USH2A: variants seen among roughly 807,000 people sequenced by gnomAD.
The protein encoded by USH2A is usherin, also known as Usher syndrome 2A (autosomal recessive, mild).
Under a neutral mutation model 538.9 loss-of-function variants are expected in USH2A, and 443 were observed. That is an observed-to-expected ratio of 0.82 (90% CI 0.76 to 0.89). The LOEUF is 0.89. Among genes scored for constraint, USH2A ranks in the 40% least tolerant of loss-of-function variants. The pLI, the probability that USH2A is intolerant of heterozygous loss-of-function variation, is 0.00. For missense variants in USH2A, 6,633 were observed against 6,324.8 expected, an observed-to-expected ratio of 1.05 and a Z score of -1.65; for synonymous variants, 2,413 against 2,273.5, an observed-to-expected ratio of 1.06 and a Z score of -1.75.
At chr1:215,898,241 A>AATTC (rs1172379180) in intron 40 of USH2A, among the ~76,000 whole-genome samples, 4 of 152,202 alleles carry the variant, frequency 2.6e-5, no homozygotes, top group Non-Finnish European at 5.9e-5. Flanking sequence ...AAGTGTTACT[A>AATTC]ATTCTTACTT....
intron 49 of USH2A, among the ~76,000 whole-genome samples, chr1:215,805,828 G>A (rs975111800): frequency 6.6e-6 from 1 of 151,860 alleles, no homozygotes; most frequent in Non-Finnish European, 1.5e-5. Flanking sequence ...AAAAAATTCA[G>A]ACCACATTAA....
chr1:215,781,323 T>G (rs922154680), intron 54 of USH2A, among the ~76,000 whole-genome samples: 4 of 152,180 alleles, frequency 2.6e-5, no homozygotes, highest in Admixed American at 1.3e-4. Context: ...TAAATATATT[T>G]TTTACAAAAC....
Position 216,246,814 on chromosome 1 carries a change from C to T in USH2A, c.2580G>A (p.Leu860=), listed in dbSNP as rs1572088408. 6.2e-7 allele frequency: 1 copy of T among 1,614,158 alleles called. No homozygotes were observed. Among genetic ancestry groups the T allele is most frequent in the African/African-American group, 1.3e-5 (1 of 75,058 alleles). Residue 860 remains leucine, a synonymous_variant, in exon 13 of 72, where the codon CTG becomes CTA. Transcript: ENST00000307340. ...DKTGTINGSL[L]CNKSTGQCPC... The stretch of plus-strand genomic sequence containing the variant: ...GACATTGTCCTGTTGATTTGTTACA[C>T]AGCAGAGAGCCATTTATTGTCCCAG...
chr1:215,996,348 C>T (rs546855499), intron 34 of USH2A, among the ~76,000 whole-genome samples: 1 of 152,130 alleles, frequency 6.6e-6, no homozygotes, highest in African/African-American at 2.4e-5. Context: ...GAAGCCACTT[C>T]CAGGAATCTT....
At chr1:215,852,793 T>A (rs960094347) in intron 44 of USH2A, among the ~76,000 whole-genome samples, 2 of 152,160 alleles carry the variant, frequency 1.3e-5, no homozygotes, top group East Asian at 3.9e-4. Context: ...CAAAATGATC[T>A]CTTTTGAATC....
chr1:215,628,959 C>T lies in USH2A; in HGVS notation c.15374G>A (p.Arg5125His), dbSNP rs189729452. 2.2e-4 allele frequency: 359 copies of T among 1,613,988 alleles called. No homozygotes were observed. Among genetic ancestry groups the T allele is most frequent in the Non-Finnish European group, 2.8e-4 (332 of 1,180,030 alleles). The part of the protein sequence containing the change: ...IRSNRSACVL[R>H]IPSQNQTSLT... ...GCTGGTTTGGTTTTGACTCGGGATGCGCAGGACACATGCACTCCGGTTGCT... is the reference window on the plus strand; with the variant it reads ...GCTGGTTTGGTTTTGACTCGGGATGTGCAGGACACATGCACTCCGGTTGCT... The change falls in exon 71 of 72, where the codon CGC becomes CAC. Residue 5125 changes from arginine (R) to histidine (H), a missense_variant. Physicochemically the swap from Arg to His is conservative, Grantham distance 29 (BLOSUM62 0). Transcript: ENST00000307340.
At chr1:216,273,954 T>C (rs116640351) in intron 11 of USH2A, among the ~76,000 whole-genome samples, 2,651 of 152,212 alleles carry the variant, frequency 0.017, 67 homozygotes, top group African/African-American at 0.06. Flanking sequence ...TATTCCGAAG[T>C]TGAGTCTTTT....
Position 216,309,521 on chromosome 1 carries a change from G to A in USH2A, c.1644+12362C>T, listed in dbSNP as rs144481197. Among the ~76,000 whole-genome samples the A allele has an allele frequency of 4.5e-3, 683 of 151,792 alleles. 5 individuals are homozygous for A. The highest frequency in any genetic ancestry group is 0.016 in the African/African-American group (651 of 41,390). ...ATTTTCTATATATCCTTTTTCTTTCGTTCTCCTTTACTGCCTTATTTTGAA... is the reference window on the plus strand; with the variant it reads ...ATTTTCTATATATCCTTTTTCTTTCATTCTCCTTTACTGCCTTATTTTGAA... On this transcript the variant is annotated intron_variant, in intron 9 of 71. Transcript: ENST00000307340.
At chr1:215,727,909 G>A (rs975953873) in intron 61 of USH2A, 121 bp downstream of exon 61, 12 of 1,218,432 alleles carry the variant, frequency 9.8e-6, no homozygotes, top group Admixed American at 9.5e-5. Flanking sequence ...CTTTTCACAA[G>A]TGAAAGATTT....
At chr1:216,217,360 A>G in intron 15 of USH2A, 27 bp downstream of exon 15, 1 of 1,612,006 alleles carries the variant, frequency 6.2e-7, no homozygotes, top group Non-Finnish European at 8.5e-7. Flanking sequence ...TGCTTCACAC[A>G]CCAGCACTGA....
chr1:215,956,712 G>T lies in USH2A; in HGVS notation c.7120+8605C>A, dbSNP rs569418001. ...CAACAGACACAACAGCATAGAGTAT[G>T]CACTTGTTCATTATGTCAAGAAAAT... is the stretch of plus-strand genomic sequence containing the variant. On this transcript the variant is annotated intron_variant, in intron 37 of 71. Coordinates refer to ENST00000307340, the MANE Select transcript of USH2A (RefSeq NM_206933.4). 1.7e-4 allele frequency among the ~76,000 whole-genome samples: 26 copies of T among 152,258 alleles called. No homozygotes were observed. In the South Asian group the frequency reaches 5.4e-3, roughly 32 times the overall value.
At chr1:215,711,339 CTTG>C (rs1571976976) in intron 61 of USH2A, among the ~76,000 whole-genome samples, 1 of 152,128 alleles carries the variant, frequency 6.6e-6, no homozygotes, top group East Asian at 1.9e-4. Flanking sequence ...AAGCACAGTG[CTTG>C]TTGTAAAAAT....
At chr1:216,408,275 C>T (rs979099303) in intron 3 of USH2A, among the ~76,000 whole-genome samples, 3 of 152,122 alleles carry the variant, frequency 2.0e-5, no homozygotes, top group African/African-American at 7.2e-5. Context: ...GCAAACACTA[C>T]AGTGTGACTT....
rs375176415 is a variant in USH2A at position 215,719,362 on chromosome 1, CAAA to C, written c.12066+8665_12066+8667del. On this transcript the variant is annotated intron_variant, in intron 61 of 71. Transcript: ENST00000307340. ...TAAGACCGTAATAAACCTCAGGAGA[CAAA>C]AAAAAAAAAAAAAAAAAAGCATGTT... 9.6e-3 allele frequency among the ~76,000 whole-genome samples: 713 copies of C among 74,614 alleles called. 4 individuals are homozygous for C. The highest frequency in any genetic ancestry group is 0.031 in the African/African-American group (643 of 20,712). The allele number at this position is 74,614 out of a possible 152,430, so 48.9% of individuals were successfully genotyped here.
intron 21 of USH2A, among the ~76,000 whole-genome samples, chr1:216,116,640 T>C (rs980259957): frequency 6.6e-6 from 1 of 152,108 alleles, no homozygotes; most frequent in African/African-American, 2.4e-5. Context: ...CAAAACTATT[T>C]TTCTTGTTGC....
intron 67 of USH2A, among the ~76,000 whole-genome samples, chr1:215,645,540 T>A (rs1315979283): frequency 1.3e-5 from 2 of 152,222 alleles, no homozygotes; most frequent in African/African-American, 4.8e-5. Flanking sequence ...AGGTCTGTTG[T>A]AAGAATTATT....
At chr1:216,028,554 T>C (rs1272356554) in intron 32 of USH2A, among the ~76,000 whole-genome samples, 1 of 152,066 alleles carries the variant, frequency 6.6e-6, no homozygotes, top group Non-Finnish European at 1.5e-5. Context: ...GAAGACACTA[T>C]GCTGGAAAAT....
At chr1:215,854,637 C>T (rs1049424042) in intron 44 of USH2A, among the ~76,000 whole-genome samples, 4 of 152,158 alleles carry the variant, frequency 2.6e-5, no homozygotes, top group African/African-American at 7.2e-5. Context: ...CCAAATGGGT[C>T]TTCCAGTCCA....
chr1:215,943,460 C>T (rs1666686422), intron 37 of USH2A, among the ~76,000 whole-genome samples: 1 of 152,074 alleles, frequency 6.6e-6, no homozygotes, highest in African/African-American at 2.4e-5. Flanking sequence ...GAAACTCTAA[C>T]AATCAGGGAG....
Sources: allele counts gnomAD v4.1 joint callset (sites outside exome capture counted in the v4.1 genomes callset), GRCh38; gene constraint gnomAD v4.1.1; transcripts MANE v1.5; gene names NCBI Gene and HGNC (gene_info 2026-07-23, HGNC 2026-07-21).